AHSA1: variants seen among roughly 807,000 people sequenced by gnomAD.
AHSA1 encodes activator of 90 kDa heat shock protein ATPase homolog 1.
A neutral mutation model predicts 46.1 loss-of-function variants in AHSA1; 14 were observed. The ratio of observed to expected loss-of-function variants is 0.30; its 90% confidence interval spans 0.20 to 0.47. The LOEUF (loss-of-function observed/expected upper bound fraction) is 0.47, where lower values mean the gene tolerates loss of function less well. AHSA1 is among the 20% of genes least tolerant of loss of function. AHSA1 has a pLI of 0.99. For missense variants in AHSA1, 333 were observed against 415.9 expected, an observed-to-expected ratio of 0.80 and a Z score of 1.73; for synonymous variants, 147 against 145.8, an observed-to-expected ratio of 1.01 and a Z score of -0.06.
chr14:77,464,602 C>G lies in AHSA1; in HGVS notation c.477C>G (p.Phe159Leu), dbSNP rs752830905. 1.2e-6 allele frequency: 2 copies of G among 1,612,092 alleles called. No homozygotes were observed. Among genetic ancestry groups the G allele is most frequent in the Non-Finnish European group, 1.7e-6 (2 of 1,179,348 alleles). The change falls in exon 5 of 9, where the codon TTC becomes TTG. Residue 159 changes from phenylalanine (F) to leucine (L), a missense_variant. Phe to Leu is a conservative substitution (Grantham distance 22, BLOSUM62 0). Transcript: ENST00000216479. ...GCTGGAATTTTATCTTTTCAGAGTT[C>G]ACCCAGGGCATGATCTTACCTACAA... ...GIYISTLKTE[F>L]TQGMILPTMN...
intron 2 of AHSA1, chr14:77,460,193 A>G (rs972606934): frequency 1.2e-5 from 3 of 255,708 alleles, no homozygotes; most frequent in South Asian, 4.5e-5. Flanking sequence ...ATCTTAACAG[A>G]TTAAACCACT....
In AHSA1 at chr14:77,459,790, C is replaced by CA; in HGVS notation, c.258dup (p.Leu87ThrfsTer8). 1 of 1,614,188 alleles carries CA rather than the reference C, an allele frequency of 6.2e-7. No homozygotes were observed. The highest frequency in any genetic ancestry group is 8.5e-7 in the Non-Finnish European group (1 of 1,180,030). On this transcript the variant is annotated frameshift_variant, in exon 2 of 9. Coordinates refer to ENST00000216479, the MANE Select transcript of AHSA1 (RefSeq NM_012111.3). LOFTEE classifies it high-confidence loss of function. ...TTATCTTCTTTTATGAATGGAGCGT[C>CA]AAACTAAACTGGACAGGTAAGTCTA...
intron 6 of AHSA1, among the ~76,000 whole-genome samples, chr14:77,467,234 A>G (rs2079051265): frequency 6.6e-6 from 1 of 152,068 alleles, no homozygotes; most frequent in Non-Finnish European, 1.5e-5. Flanking sequence ...CCCTGTCTCT[A>G]CAAAAAATAC....
intron 1 of AHSA1, among the ~76,000 whole-genome samples, chr14:77,459,212 G>A (rs567369339): frequency 1.3e-5 from 2 of 152,240 alleles, no homozygotes; most frequent in East Asian, 3.9e-4. Flanking sequence ...ATGAGGTCAG[G>A]GTTATTGGTT....
chr14:77,463,089 G>A, intron 4 of AHSA1: 1 of 231,096 alleles, frequency 4.3e-6, no homozygotes, highest in South Asian at 6.5e-5. Context: ...AGACCAGCCT[G>A]GGCAACATGG....
chr14:77,463,471 AG>A (rs969510848), intron 4 of AHSA1, among the ~76,000 whole-genome samples: 2 of 151,682 alleles, frequency 1.3e-5, no homozygotes, highest in Non-Finnish European at 2.9e-5. Flanking sequence ...TTGTAATCCC[AG>A]CTACTCAAGA....
At position 77,458,173 on chromosome 14, in the gene AHSA1, C is replaced by G. The variant is rs1310102142; in HGVS notation, c.-17C>G. ...TACGGCTGCTCCGGAGCTGGTGGCG[C>G]CGCGATAGGAGAGCCGATGGCCAAG... On this transcript the variant is annotated 5_prime_UTR_variant, in exon 1 of 9. Transcript: ENST00000216479. The G allele has an allele frequency of 3.3e-6, 5 of 1,516,678 alleles. 1 individual carries two copies. The African/African-American group carries it at 4.2e-5, about 13-fold the overall frequency. 94.0% of individuals were successfully genotyped at this position (1,516,678 alleles called of 1,614,324 possible).
At chr14:77,467,902 G>A (rs938844796) in intron 6 of AHSA1, among the ~76,000 whole-genome samples, 181 bp from the exon 7 acceptor site, 5 of 152,098 alleles carry the variant, frequency 3.3e-5, no homozygotes, top group Admixed American at 2.0e-4. Flanking sequence ...AAGAATTCCC[G>A]AAGTCAAGTC....
upstream of AHSA1, chr14:77,457,869 G>T: frequency 2.1e-6 from 1 of 487,560 alleles, no homozygotes; most frequent in Non-Finnish European, 3.6e-6. Flanking sequence ...AATGAGACGT[G>T]TTCTTTGTTT....
intron 2 of AHSA1, 117 bp from the exon 3 acceptor site, chr14:77,462,043 T>A (rs939014438): frequency 4.8e-5 from 33 of 690,078 alleles, no homozygotes; most frequent in Admixed American, 2.9e-4. Context: ...ATTCTCAGAA[T>A]AAAGAGGATC....
In AHSA1 at chr14:77,468,181, T is replaced by G; in HGVS notation, c.789T>G (p.Asp263Glu). 1 of 1,553,962 alleles carries G rather than the reference T, an allele frequency of 6.4e-7. No homozygotes were observed. Among genetic ancestry groups the G allele is most frequent in the Non-Finnish European group, 8.7e-7 (1 of 1,146,306 alleles). Residue 263 changes from aspartate (D) to glutamate (E), a missense_variant, in exon 7 of 9, where the codon GAT becomes GAG. Asp to Glu is a conservative substitution (Grantham distance 45). Transcript: ENST00000216479. ...VDGNVSGEFT[D>E]LVPEKHIVMK... ...GCAACGTCTCTGGGGAATTTACTGA[T>G]CTGGTGAGTACCTGCCGGCCCTAGA...
chr14:77,457,948 A>T (rs1444281204), upstream of AHSA1: 2 of 522,612 alleles, frequency 3.8e-6, no homozygotes, highest in South Asian at 2.8e-5. Flanking sequence ...AACCCGATGG[A>T]GTCTGAAGGA....
chr14:77,469,349 T>C lies in AHSA1; in HGVS notation c.*100T>C. 1 of 1,486,700 alleles carries C rather than the reference T, an allele frequency of 6.7e-7. No individual in the cohort carries two copies. 92.1% of individuals were successfully genotyped at this position (1,486,700 alleles called of 1,614,324 possible). A position where few individuals can be genotyped will look rare whatever the true frequency, so the allele number is the denominator to read the frequency against. Reference sequence around the variant, plus strand: ...GGATTGCATCGTCCCAGCTGCTAACTTGGGGCCGGGGCCCCTCCCTTCCAC... The same window carrying C: ...GGATTGCATCGTCCCAGCTGCTAACCTGGGGCCGGGGCCCCTCCCTTCCAC... On this transcript the variant is annotated 3_prime_UTR_variant, in exon 9 of 9. Coordinates refer to ENST00000216479, the MANE Select transcript of AHSA1 (RefSeq NM_012111.3).
intron 6 of AHSA1, 118 bp downstream of exon 6, chr14:77,465,785 A>G: frequency 2.9e-6 from 3 of 1,038,386 alleles, no homozygotes; most frequent in South Asian, 2.1e-5. Flanking sequence ...AACTGGAGCC[A>G]TGAGGCCTTC....
chr14:77,460,928 G>C (rs911470919), intron 2 of AHSA1, among the ~76,000 whole-genome samples: 4 of 152,044 alleles, frequency 2.6e-5, no homozygotes, highest in African/African-American at 9.7e-5. Context: ...GGGAGGCCAA[G>C]GTGGGCGGAT....
chr14:77,464,608 G>A lies in AHSA1; in HGVS notation c.483G>A (p.Gln161=), dbSNP rs1194647898. 3 of 1,613,590 alleles carry A rather than the reference G, an allele frequency of 1.9e-6. No individual in the cohort carries two copies. In the East Asian group the frequency reaches 6.7e-5, roughly 36 times the overall value. ...YISTLKTEFT[Q]GMILPTMNGE... ...ATTTTATCTTTTCAGAGTTCACCCA[G>A]GGCATGATCTTACCTACAATGAATG... Residue 161 remains glutamine, a synonymous_variant, in exon 5 of 9, where the codon CAG becomes CAA. Coordinates refer to ENST00000216479, the MANE Select transcript of AHSA1 (RefSeq NM_012111.3).
At chr14:77,458,484 G>A (rs2078999607) in intron 1 of AHSA1, among the ~76,000 whole-genome samples, 2 of 152,244 alleles carry the variant, frequency 1.3e-5, no homozygotes, top group Non-Finnish European at 2.9e-5. Flanking sequence ...GACGTGGAGG[G>A]CTGCGCCCCA....
intron 2 of AHSA1, 21 bp downstream of exon 2, chr14:77,459,827 CAGAG>C (rs773063006): frequency 5.0e-6 from 8 of 1,612,812 alleles, no homozygotes; most frequent in Non-Finnish European, 6.8e-6. Flanking sequence ...GCTGGGCTGT[CAGAG>C]AGATTAACTG....
At chr14:77,465,429 T>C in intron 5 of AHSA1, 110 bp from the exon 6 acceptor site, 3 of 1,284,414 alleles carry the variant, frequency 2.3e-6, no homozygotes, top group Admixed American at 2.1e-5. Flanking sequence ...ATAATTACCC[T>C]TGGAGGTGAA....
Sources: allele counts gnomAD v4.1 joint callset (sites outside exome capture counted in the v4.1 genomes callset), GRCh38; gene constraint gnomAD v4.1.1; transcripts MANE v1.5; gene names NCBI Gene and HGNC (gene_info 2026-07-23, HGNC 2026-07-21).